The following GLI2 variants were observed in gnomAD, a reference collection of about 807,000 sequenced individuals.
The protein encoded by GLI2 is transcription activator GLI2.
A neutral mutation model predicts 78.9 loss-of-function variants in GLI2; 22 were observed. The observed-to-expected ratio is 0.28, with a 90% CI of 0.20 to 0.40. The LOEUF (loss-of-function observed/expected upper bound fraction) is 0.40. Ranked by LOEUF, GLI2 falls within the 10% of genes least tolerant of loss-of-function variation. The probability of loss-of-function intolerance (pLI) is 1.00; values close to 1 mark genes in which losing one functional copy is unlikely to be tolerated. For missense variants in GLI2, 2,097 were observed against 2,213.2 expected (o/e 0.95, Z 1.05); for synonymous variants, 974 against 963.7 (o/e 1.01, Z -0.20).
At chr2:120,985,741 A>G (rs961530534) in intron 12 of GLI2, among the ~76,000 whole-genome samples, 1 of 152,294 alleles carries the variant, frequency 6.6e-6, no homozygotes, top group East Asian at 1.9e-4. Context: ...TACATGTGCC[A>G]TGAGCTCCCT....
chr2:120,802,044 C>A (rs1249545480), intron 2 of GLI2, among the ~76,000 whole-genome samples: 1 of 152,204 alleles, frequency 6.6e-6, no homozygotes. Flanking sequence ...TGCCTCAGTT[C>A]CCTCATCCAT....
At chr2:120,863,990 T>C (rs1688016284) in intron 2 of GLI2, among the ~76,000 whole-genome samples, 2 of 152,260 alleles carry the variant, frequency 1.3e-5, no homozygotes, top group South Asian at 4.2e-4. Flanking sequence ...AAATGACTTG[T>C]GTGTGGAGGG....
chr2:120,857,885 C>T (rs993956347), intron 2 of GLI2, among the ~76,000 whole-genome samples: 4 of 151,652 alleles, frequency 2.6e-5, no homozygotes, highest in South Asian at 2.1e-4. Context: ...TGTTTCTCCT[C>T]GTGGCCCACT....
At chr2:120,797,220 T>G in intron 1 of GLI2, 71 bp from the exon 2 acceptor site, 1 of 1,161,948 alleles carries the variant, frequency 8.6e-7, no homozygotes. Flanking sequence ...AGCGGCGGTG[T>G]GAATCTGGGT....
At chr2:120,850,230 CAT>C (rs1214099294) in intron 2 of GLI2, among the ~76,000 whole-genome samples, 8 of 152,158 alleles carry the variant, frequency 5.3e-5, no homozygotes, top group Admixed American at 5.2e-4. Context: ...ATAATTTAGA[CAT>C]GTGATTGTAA....
In GLI2 at chr2:120,988,066, GAGAA is replaced by G. The variant is rs555732503; in HGVS notation, c.2243-135_2243-132del. ...AATCCTGTCTCTAAAAAGAGAAAGA[GAGAA>G]AGAAAGCATGCATCTCCTGAGTGCG... On this transcript the variant is annotated intron_variant, in intron 13 of 13. Transcript: ENST00000361492. 1.7e-3 allele frequency: 1,188 copies of G among 686,312 alleles called. 9 individuals carry two copies. In the African/African-American group the frequency reaches 0.02, roughly 12 times the overall value. 42.5% of individuals were successfully genotyped at this position (686,312 alleles called of 1,614,324 possible).
chr2:120,941,919 G>A (rs192258675), intron 3 of GLI2, among the ~76,000 whole-genome samples: 2 of 152,170 alleles, frequency 1.3e-5, no homozygotes, highest in African/African-American at 2.4e-5. Context: ...GGGAAAGCCC[G>A]CTCCACAGCC....
At chr2:120,978,866 A>AT (rs1368333131) in intron 10 of GLI2, among the ~76,000 whole-genome samples, 3 of 152,086 alleles carry the variant, frequency 2.0e-5, no homozygotes, top group African/African-American at 7.2e-5. Context: ...GTCCAAAGGC[A>AT]TATCTGCACC....
chr2:120,945,858 T>C (rs1469484675), intron 3 of GLI2, among the ~76,000 whole-genome samples: 1 of 152,040 alleles, frequency 6.6e-6, no homozygotes, highest in Non-Finnish European at 1.5e-5. Flanking sequence ...GCTCAGGTCA[T>C]GTGTCCCCTG....
At chr2:120,838,535 A>G (rs1686720241) in intron 2 of GLI2, among the ~76,000 whole-genome samples, 1 of 152,230 alleles carries the variant, frequency 6.6e-6, no homozygotes, top group African/African-American at 2.4e-5. Flanking sequence ...GTCTAATAAA[A>G]ATATAATGTG....
At chr2:120,813,319 C>G (rs1230336623) in intron 2 of GLI2, among the ~76,000 whole-genome samples, 2 of 152,202 alleles carry the variant, frequency 1.3e-5, no homozygotes, top group Non-Finnish European at 2.9e-5. Context: ...GCAAGAACCC[C>G]CTTTGAAATC....
At chr2:120,917,629 TGC>T (rs1679165814) in intron 2 of GLI2, among the ~76,000 whole-genome samples, 3 of 152,272 alleles carry the variant, frequency 2.0e-5, no homozygotes, top group Admixed American at 1.3e-4. Context: ...GCTGCTGCCT[TGC>T]AGCACACAGG....
intron 5 of GLI2, among the ~76,000 whole-genome samples, chr2:120,956,432 C>G (rs1050063586): frequency 2.0e-5 from 3 of 152,126 alleles, no homozygotes; most frequent in Admixed American, 6.5e-5. Context: ...GCTGCTTTCA[C>G]AGGGACACCT....
chr2:120,867,593 C>T (rs865966396), intron 2 of GLI2, among the ~76,000 whole-genome samples: 14 of 152,356 alleles, frequency 9.2e-5, no homozygotes, highest in Middle Eastern at 3.4e-3. Context: ...CCTCCCCGCA[C>T]GCTGGGTAAG....
At chr2:120,895,894 C>T (rs1313407702) in intron 2 of GLI2, among the ~76,000 whole-genome samples, 1 of 152,182 alleles carries the variant, frequency 6.6e-6, no homozygotes, top group Non-Finnish European at 1.5e-5. Flanking sequence ...GGTTTTCTAA[C>T]CAACACCTTG....
At chr2:120,963,708 C>A (rs1309459347) in intron 5 of GLI2, among the ~76,000 whole-genome samples, 1 of 152,232 alleles carries the variant, frequency 6.6e-6, no homozygotes, top group Non-Finnish European at 1.5e-5. Context: ...AGACACCTCT[C>A]CTCCTCTGCA....
chr2:120,919,572 C>T (rs550045907), intron 2 of GLI2, among the ~76,000 whole-genome samples: 10 of 152,354 alleles, frequency 6.6e-5, no homozygotes, highest in South Asian at 2.1e-4. Flanking sequence ...GGTCCTGACA[C>T]GGGGCCCACC....
chr2:120,928,184 A>G (rs1369340191), intron 3 of GLI2, among the ~76,000 whole-genome samples: 1 of 151,820 alleles, frequency 6.6e-6, no homozygotes, highest in Non-Finnish European at 1.5e-5. Flanking sequence ...CCTCCAGGAG[A>G]GCTCTTACAA....
At chr2:120,984,957 G>A (rs779360326) in intron 12 of GLI2, among the ~76,000 whole-genome samples, 2 of 152,202 alleles carry the variant, frequency 1.3e-5, no homozygotes, top group Non-Finnish European at 2.9e-5. Flanking sequence ...CCAGGCTCCT[G>A]CTGGGTGTGT....
Sources: allele counts gnomAD v4.1 joint callset (sites outside exome capture counted in the v4.1 genomes callset), GRCh38; gene constraint gnomAD v4.1.1; transcripts MANE v1.5; gene names NCBI Gene and HGNC (gene_info 2026-07-23, HGNC 2026-07-21).